Variants in REDIC1 observed in about 807,000 individuals in gnomAD.
REDIC1 encodes HEI10 Interacting Protein 1.
chr12:39,761,713 C>A, the REDIC1 span, among the ~76,000 whole-genome samples: 26 of 151,974 alleles, frequency 1.7e-4, no homozygotes, highest in African/African-American at 5.5e-4. Flanking sequence ...GAAATGGAAT[C>A]TTTAGCAGGG....
At chr12:39,707,827 G>T in the REDIC1 span, among the ~76,000 whole-genome samples, 1 of 151,558 alleles carries the variant, frequency 6.6e-6, no homozygotes, top group Non-Finnish European at 1.5e-5. Context: ...CCAGAAAATA[G>T]CATAAAAAAA....
the REDIC1 span, among the ~76,000 whole-genome samples, chr12:39,710,569 C>A: frequency 6.6e-6 from 1 of 151,786 alleles, no homozygotes; most frequent in African/African-American, 2.4e-5. Flanking sequence ...TTTACACATT[C>A]TTTTCCCTCT....
chr12:39,684,933 G>A, the REDIC1 span: 1 of 1,603,660 alleles, frequency 6.2e-7, no homozygotes, highest in Non-Finnish European at 8.5e-7. Context: ...ATGAGGTAAA[G>A]CACAGTCTCA....
At chr12:39,676,564 T>G in the REDIC1 span, among the ~76,000 whole-genome samples, 19 of 152,278 alleles carry the variant, frequency 1.2e-4, no homozygotes, top group Non-Finnish European at 2.9e-5. Flanking sequence ...TTCCCTAGTC[T>G]TACTAGAGAT....
chr12:39,721,048 G>A, the REDIC1 span: 122 of 1,613,758 alleles, frequency 7.6e-5, no homozygotes, highest in Non-Finnish European at 9.7e-5. Flanking sequence ...TGATAACTGC[G>A]TTCTGCAGGC....
At chr12:39,777,764 C>A in the REDIC1 span, among the ~76,000 whole-genome samples, 12 of 152,330 alleles carry the variant, frequency 7.9e-5, no homozygotes, top group African/African-American at 2.4e-4. Flanking sequence ...GGCAGAATGA[C>A]ATGGAGTTTG....
At chr12:39,713,028 TA>T in the REDIC1 span, among the ~76,000 whole-genome samples, 1 of 141,752 alleles carries the variant, frequency 7.1e-6, no homozygotes, top group Non-Finnish European at 1.6e-5. Context: ...TATATACGTG[TA>T]TATGTATATA....
chr12:39,672,491 A>G, the REDIC1 span, among the ~76,000 whole-genome samples: 4 of 152,040 alleles, frequency 2.6e-5, no homozygotes, highest in Non-Finnish European at 5.9e-5. Context: ...TGCTTTGAGA[A>G]TTGGCAGTGG....
chr12:39,812,337 T>TTTTTCTTTTATTTTC, the REDIC1 span, among the ~76,000 whole-genome samples: 1 of 135,188 alleles, frequency 7.4e-6, no homozygotes, highest in African/African-American at 3.0e-5. Flanking sequence ...ACTAATTTCT[T>TTTTTCTTTTATTTTC]TTTTCTTTTC....
chr12:39,757,271 G>C, the REDIC1 span: 4 of 151,678 alleles, frequency 2.6e-5, no homozygotes, highest in African/African-American at 9.7e-5. Context: ...CTGTAATTTT[G>C]GTTGAAAGCA....
the REDIC1 span, among the ~76,000 whole-genome samples, chr12:39,642,705 A>G: frequency 1.3e-5 from 2 of 151,784 alleles, no homozygotes; most frequent in Admixed American, 6.6e-5. Flanking sequence ...TTCATTGCTT[A>G]ACCATAGTAT....
the REDIC1 span, among the ~76,000 whole-genome samples, chr12:39,870,506 C>A: frequency 2.0e-5 from 3 of 152,148 alleles, no homozygotes; most frequent in Non-Finnish European, 4.4e-5. Context: ...ATAACATCTA[C>A]TATCTGCTAA....
At chr12:39,713,779 G>T in the REDIC1 span, among the ~76,000 whole-genome samples, 3 of 146,882 alleles carry the variant, frequency 2.0e-5, no homozygotes, top group East Asian at 2.0e-4. Context: ...ATATTTGTAC[G>T]TAAATATACA....
At chr12:39,651,911 C>T in the REDIC1 span, among the ~76,000 whole-genome samples, 1 of 152,088 alleles carries the variant, frequency 6.6e-6, no homozygotes, top group Admixed American at 6.5e-5. Context: ...TCCCTTGTAC[C>T]TATCCCAAAG....
chr12:39,887,755 T>C, the REDIC1 span, among the ~76,000 whole-genome samples: 1 of 152,212 alleles, frequency 6.6e-6, no homozygotes, highest in Non-Finnish European at 1.5e-5. Context: ...AAATTCCAGA[T>C]TTTCTTTCTC....
the REDIC1 span, among the ~76,000 whole-genome samples, chr12:39,810,807 T>C: frequency 6.6e-6 from 1 of 152,134 alleles, no homozygotes; most frequent in African/African-American, 2.4e-5. Context: ...CAACCATGAA[T>C]TCCTTTATAT....
chr12:39,702,228 G>A, the REDIC1 span, among the ~76,000 whole-genome samples: 357 of 152,004 alleles, frequency 2.3e-3, 1 homozygote, highest in Admixed American at 0.02. Context: ...TCAAATAGAC[G>A]CAATAAAAAA....
the REDIC1 span, among the ~76,000 whole-genome samples, chr12:39,848,437 A>T: frequency 1.1e-4 from 16 of 152,158 alleles, no homozygotes; most frequent in Non-Finnish European, 1.9e-4. Context: ...CCATATCACT[A>T]ATCATTAGAG....
the REDIC1 span, among the ~76,000 whole-genome samples, chr12:39,833,357 T>C: frequency 6.6e-6 from 1 of 151,980 alleles, no homozygotes; most frequent in Non-Finnish European, 1.5e-5. Context: ...TTTTTTAAAT[T>C]CCCTAACTTC....
Sources: allele counts gnomAD v4.1 joint callset (sites outside exome capture counted in the v4.1 genomes callset), GRCh38; gene constraint gnomAD v4.1.1; transcripts MANE v1.5; gene names NCBI Gene and HGNC (gene_info 2026-07-23, HGNC 2026-07-21).